Variants in FGF12 observed in about 807,000 individuals in gnomAD.
FGF12 encodes the protein fibroblast growth factor 12B.
A neutral mutation model predicts 23.6 loss-of-function variants in FGF12; 14 were observed. The observed-to-expected ratio is 0.59, with a 90% CI of 0.39 to 0.93. The LOEUF (loss-of-function observed/expected upper bound fraction) is 0.93. FGF12 is among the 40% of genes least tolerant of loss of function. FGF12 has a pLI of 0.00. For missense variants in FGF12, 175 were observed against 217.8 expected (o/e 0.80, Z 1.24); for synonymous variants, 62 against 77.3 (o/e 0.80, Z 1.04).
At chr3:192,387,776 A>G (rs980565432) in intron 2 of FGF12, among the ~76,000 whole-genome samples, 3 of 151,880 alleles carry the variant, frequency 2.0e-5, no homozygotes, top group Non-Finnish European at 4.4e-5. Context: ...GGTCCCAGCT[A>G]CTCAGAAGAC....
intron 4 of FGF12, chr3:192,268,629 C>T (rs192548930): frequency 3.5e-5 from 15 of 426,278 alleles, no homozygotes; most frequent in African/African-American, 3.1e-4. Context: ...TGCATTGCTC[C>T]TGATTTTGCC....
In FGF12 at chr3:192,476,314, C is replaced by G. The variant is rs145450698; in HGVS notation, c.14-115776G>C. On this transcript the variant is annotated intron_variant, in intron 2 of 5. Coordinates refer to ENST00000445105, the MANE Select transcript of FGF12 (RefSeq NM_004113.6). Reference sequence around the variant, plus strand: ...AGGAAAATATTGTTATTTTTGTTTACAGATGAAAAAAAAATGAAGCCCAGA... The same window carrying G: ...AGGAAAATATTGTTATTTTTGTTTAGAGATGAAAAAAAAATGAAGCCCAGA... Among the ~76,000 whole-genome samples, 583 of 151,546 alleles carry G rather than the reference C, an allele frequency of 3.8e-3. 5 individuals carry two copies. The highest frequency in any genetic ancestry group is 0.013 in the African/African-American group (525 of 41,198).
intron 5 of FGF12, among the ~76,000 whole-genome samples, chr3:192,154,471 G>A (rs935883258): frequency 1.6e-5 from 2 of 127,308 alleles, no homozygotes; most frequent in African/African-American, 5.8e-5. Flanking sequence ...TTTGATGATG[G>A]TGATATACAG....
intron 2 of FGF12, among the ~76,000 whole-genome samples, chr3:192,468,428 C>G (rs930594414): frequency 1.3e-5 from 2 of 152,190 alleles, no homozygotes; most frequent in African/African-American, 4.8e-5. Flanking sequence ...ACATACAACA[C>G]TTTCTCAATC....
intron 3 of FGF12, among the ~76,000 whole-genome samples, chr3:192,355,471 A>T (rs1377442611): frequency 1.3e-5 from 2 of 152,220 alleles, no homozygotes; most frequent in South Asian, 4.1e-4. Flanking sequence ...GTGAATGAAA[A>T]TTGCTTTTGA....
chr3:192,467,567 T>G (rs1243168695), intron 2 of FGF12, among the ~76,000 whole-genome samples: 1 of 152,114 alleles, frequency 6.6e-6, no homozygotes, highest in Non-Finnish European at 1.5e-5. Context: ...AAGAAAGAAA[T>G]ATTCACAGGT....
intron 2 of FGF12, among the ~76,000 whole-genome samples, chr3:192,362,919 A>C (rs987032139): frequency 1.7e-4 from 26 of 152,152 alleles, no homozygotes; most frequent in African/African-American, 6.0e-4. Flanking sequence ...CAGGATATAA[A>C]ACAATAGAGG....
chr3:192,509,907 T>A (rs1724419814), intron 2 of FGF12, among the ~76,000 whole-genome samples: 1 of 152,194 alleles, frequency 6.6e-6, no homozygotes, highest in African/African-American at 2.4e-5. Context: ...ACCGCCTTAT[T>A]ATATCAACAA....
intron 2 of FGF12, among the ~76,000 whole-genome samples, chr3:192,667,530 A>G (rs554136852): frequency 6.6e-6 from 1 of 150,976 alleles, no homozygotes; most frequent in South Asian, 2.1e-4. Context: ...GCATCACTAG[A>G]ACCCAGGAGG....
intron 4 of FGF12, among the ~76,000 whole-genome samples, chr3:192,181,211 A>G (rs186686623): frequency 3.3e-4 from 51 of 152,268 alleles, no homozygotes; most frequent in Middle Eastern, 3.4e-3. Flanking sequence ...GTCAGAAAGC[A>G]GGGGCCTCAC....
intron 2 of FGF12, among the ~76,000 whole-genome samples, chr3:192,646,810 G>A (rs748409804): frequency 2.0e-5 from 3 of 152,068 alleles, no homozygotes; most frequent in Non-Finnish European, 4.4e-5. Context: ...ACAACTCTAC[G>A]AATATACTGA....
intron 4 of FGF12, among the ~76,000 whole-genome samples, chr3:192,252,619 T>A (rs540477376): frequency 6.6e-6 from 1 of 151,974 alleles, no homozygotes; most frequent in East Asian, 1.9e-4. Context: ...CTAGAATCAA[T>A]GTCTCTGTCA....
intron 3 of FGF12, among the ~76,000 whole-genome samples, chr3:192,353,034 A>G (rs540738630): frequency 3.9e-5 from 6 of 152,182 alleles, no homozygotes; most frequent in Non-Finnish European, 8.8e-5. Context: ...CTTCTATATC[A>G]GAAGTAAATA....
At chr3:192,161,800 AT>A (rs1451103904) in intron 5 of FGF12, among the ~76,000 whole-genome samples, 1 of 152,108 alleles carries the variant, frequency 6.6e-6, no homozygotes, top group East Asian at 1.9e-4. Flanking sequence ...GCTGCTACTA[AT>A]TATCACTTTA....
chr3:192,378,087 T>TTTCTTTCTTTCTTTCTTTCTTTCTTTCC (rs1719641096), intron 2 of FGF12, among the ~76,000 whole-genome samples: 1 of 123,498 alleles, frequency 8.1e-6, no homozygotes, highest in Non-Finnish European at 1.7e-5. Context: ...TCTTTCTTTC[T>TTTCTTTCTTTCTTTCTTTCTTTCTTTCC]TTCTTTCTTC....
chr3:192,369,404 T>G (rs1719124381), intron 2 of FGF12, among the ~76,000 whole-genome samples: 1 of 152,238 alleles, frequency 6.6e-6, no homozygotes, highest in African/African-American at 2.4e-5. Context: ...TCCAAAGCCC[T>G]GAGTTGCCTC....
intron 2 of FGF12, among the ~76,000 whole-genome samples, chr3:192,599,082 A>G (rs1713987292): frequency 6.6e-6 from 1 of 152,008 alleles, no homozygotes; most frequent in Non-Finnish European, 1.5e-5. Context: ...GGACACAGGG[A>G]GGGGAATATC....
chr3:192,374,442 T>C (rs1367000684), intron 2 of FGF12, among the ~76,000 whole-genome samples: 4 of 152,228 alleles, frequency 2.6e-5, no homozygotes, highest in African/African-American at 9.6e-5. Context: ...TTTTTATTCG[T>C]AATTTTAATT....
chr3:192,177,905 C>A (rs1715947461), intron 4 of FGF12, among the ~76,000 whole-genome samples: 1 of 152,188 alleles, frequency 6.6e-6, no homozygotes, highest in African/African-American at 2.4e-5. Flanking sequence ...TGTTTTCCTT[C>A]ATAACTTGAC....
Sources: gnomAD v4.1 joint callset for allele counts (sites outside exome capture counted in the v4.1 genomes callset) on GRCh38, gnomAD v4.1.1 for gene constraint, MANE v1.5 for transcripts, NCBI Gene and HGNC (gene_info 2026-07-23, HGNC 2026-07-21) for gene names.